The following RNF145 variants were observed in gnomAD, a reference collection of about 807,000 sequenced individuals.
RNF145 encodes the protein ring finger protein 145.
In RNF145, 12 loss-of-function variants were observed where a neutral mutation model predicts 57.3. That is an observed-to-expected ratio of 0.21 (90% CI 0.13 to 0.34). The LOEUF (loss-of-function observed/expected upper bound fraction) is 0.34. Ranked by LOEUF, RNF145 falls within the 10% of genes least tolerant of loss-of-function variation. The probability of loss-of-function intolerance (pLI) is 1.00; values close to 1 mark genes in which losing one functional copy is unlikely to be tolerated. For missense variants in RNF145, 429 were observed against 799.0 expected (o/e 0.54, Z 5.58); for synonymous variants, 262 against 288.3 (o/e 0.91, Z 0.92).
intron 4 of RNF145, among the ~76,000 whole-genome samples, 186 bp downstream of exon 4, chr5:159,181,774 A>G (rs1784901899): frequency 6.6e-6 from 1 of 151,912 alleles, no homozygotes; most frequent in African/African-American, 2.4e-5. Context: ...ATAAATACAT[A>G]ATCTATACAT....
At chr5:159,202,318 T>C (rs906937081) in intron 2 of RNF145, among the ~76,000 whole-genome samples, 1 of 152,256 alleles carries the variant, frequency 6.6e-6, no homozygotes, top group African/African-American at 2.4e-5. Flanking sequence ...CGGGAATTAC[T>C]TTCCATAAAT....
chr5:159,196,122 C>G (rs1327707269), intron 2 of RNF145, among the ~76,000 whole-genome samples: 1 of 152,054 alleles, frequency 6.6e-6, no homozygotes, highest in Non-Finnish European at 1.5e-5. Flanking sequence ...TTTTGTATAC[C>G]CTATACTTCA....
At chr5:159,199,651 T>A (rs1785593784) in intron 2 of RNF145, among the ~76,000 whole-genome samples, 1 of 152,160 alleles carries the variant, frequency 6.6e-6, no homozygotes, top group South Asian at 2.1e-4. Context: ...CCCCAATCCA[T>A]CATCCTATAA....
At chr5:159,163,132 C>T (rs1784285139) in intron 8 of RNF145, 53 bp from the exon 9 acceptor site, 1 of 1,492,342 alleles carries the variant, frequency 6.7e-7, no homozygotes, top group South Asian at 1.3e-5. Flanking sequence ...AGTAGCACAA[C>T]CACTCACATC....
chr5:159,174,868 G>C (rs1784666767), intron 5 of RNF145, among the ~76,000 whole-genome samples: 1 of 151,976 alleles, frequency 6.6e-6, no homozygotes, highest in Non-Finnish European at 1.5e-5. Flanking sequence ...AACTGATTAG[G>C]AAAAATCAAT....
intron 2 of RNF145, among the ~76,000 whole-genome samples, chr5:159,200,657 C>T (rs149969389): frequency 0.015 from 2,215 of 152,148 alleles, 33 homozygotes; most frequent in Non-Finnish European, 0.018. Flanking sequence ...AGCTTAAAAA[C>T]CTTCTAAATG....
intron 10 of RNF145, among the ~76,000 whole-genome samples, 155 bp from the exon 11 acceptor site, chr5:159,159,190 CCTG>C (rs1784135475): frequency 6.6e-6 from 1 of 152,114 alleles, no homozygotes; most frequent in African/African-American, 2.4e-5. Flanking sequence ...CAGTAATAAT[CCTG>C]CTGCCATCAC....
Position 159,158,795 on chromosome 5 carries a change from G to A in RNF145, c.1867C>T (p.Gln623Ter). ...GQEHTPGTRI[Q>*]EGSRDNNEYI... ...TCATTATTGTCCCTGGAACCTTCCT[G>A]TATCCTGGTCCCTGGAGTATGCTCC... is the stretch of plus-strand genomic sequence containing the variant. The change falls in exon 11 of 11, where the codon CAG becomes TAG. Residue 623 changes from glutamine (Q) to a stop codon, truncating the protein, a stop_gained. Coordinates refer to ENST00000424310, the MANE Select transcript of RNF145 (RefSeq NM_001199383.2). LOFTEE classifies it low-confidence loss of function (END_TRUNC). The A allele has an allele frequency of 1.2e-6, 2 of 1,613,966 alleles. No homozygotes were observed. Among genetic ancestry groups the A allele is most frequent in the Non-Finnish European group, 1.7e-6 (2 of 1,179,868 alleles).
upstream of RNF145, chr5:159,209,703 C>T (rs1786047785): frequency 1.9e-6 from 2 of 1,036,832 alleles, no homozygotes; most frequent in African/African-American, 3.2e-5. Context: ...AGACATAAGC[C>T]TAGCCAAGCC....
At chr5:159,196,441 C>A (rs534279090) in intron 2 of RNF145, among the ~76,000 whole-genome samples, 13 of 152,162 alleles carry the variant, frequency 8.5e-5, no homozygotes, top group Non-Finnish European at 1.6e-4. Context: ...ACCTGACATT[C>A]TTGGTCTTAC....
chr5:159,174,829 T>C (rs987646974), intron 5 of RNF145, among the ~76,000 whole-genome samples: 4 of 152,158 alleles, frequency 2.6e-5, no homozygotes, highest in Non-Finnish European at 5.9e-5. Context: ...TAAATTAGTT[T>C]TCCAGTTTAT....
At chr5:159,168,845 A>C (rs1008977716) in intron 8 of RNF145, 28 bp downstream of exon 8, 5 of 1,391,096 alleles carry the variant, frequency 3.6e-6, no homozygotes. Flanking sequence ...ACATGAGTTA[A>C]TTTAAAGAAT....
chr5:159,158,443 G>T lies in RNF145; in HGVS notation c.*227C>A, dbSNP rs184718118. 5.7e-4 allele frequency: 310 copies of T among 540,934 alleles called. 1 individual carries two copies. The highest frequency in any genetic ancestry group is 5.2e-3 in the African/African-American group (275 of 53,090). 33.5% of individuals were successfully genotyped at this position (540,934 alleles called of 1,614,324 possible). ...CACAAACCTCTATAAAACATCAGCA[G>T]AGAACATATAAATACATTTTGATTA... On this transcript the variant is annotated 3_prime_UTR_variant, in exon 11 of 11. Coordinates refer to ENST00000424310, the MANE Select transcript of RNF145 (RefSeq NM_001199383.2).
intron 1 of RNF145, chr5:159,208,211 T>G: frequency 7.7e-7 from 1 of 1,297,972 alleles, no homozygotes; most frequent in Non-Finnish European, 9.9e-7. Flanking sequence ...GCAGCAGCAG[T>G]AGCAGCAGCA....
intron 3 of RNF145, among the ~76,000 whole-genome samples, chr5:159,187,574 G>T (rs867802296): frequency 1.3e-5 from 2 of 152,008 alleles, no homozygotes; most frequent in Admixed American, 1.3e-4. Flanking sequence ...TGATTCACCC[G>T]CCTCAGCCTC....
At chr5:159,167,324 A>G (rs1784420674) in intron 8 of RNF145, among the ~76,000 whole-genome samples, 2 of 152,290 alleles carry the variant, frequency 1.3e-5, no homozygotes, top group South Asian at 4.1e-4. Context: ...GGAATAACAC[A>G]GACACCAATT....
chr5:159,179,961 T>C lies in RNF145; in HGVS notation c.385+1999A>G, dbSNP rs542892411. Among the ~76,000 whole-genome samples the C allele has an allele frequency of 5.9e-5, 9 of 152,228 alleles. No individual in the cohort carries two copies. In the South Asian group the frequency reaches 1.9e-3, roughly 32 times the overall value. On this transcript the variant is annotated intron_variant, in intron 4 of 10. Coordinates refer to ENST00000424310, the MANE Select transcript of RNF145 (RefSeq NM_001199383.2). ...GAGTTCAGGCATTCTAGGGAAAGCA[T>C]TAATTTTTACCTTTATGCTTTAAGA...
intron 10 of RNF145, among the ~76,000 whole-genome samples, chr5:159,159,892 C>A (rs1251757719): frequency 6.6e-6 from 1 of 152,118 alleles, no homozygotes; most frequent in Admixed American, 6.6e-5. Flanking sequence ...GTGTGGATAT[C>A]CCAGAAATTC....
chr5:159,168,397 C>G (rs1276738213), intron 8 of RNF145, among the ~76,000 whole-genome samples: 1 of 152,112 alleles, frequency 6.6e-6, no homozygotes, highest in Admixed American at 6.5e-5. Flanking sequence ...TCAAATGAGG[C>G]TGTTTTTCCA....
Sources: gnomAD v4.1 joint callset for allele counts (sites outside exome capture counted in the v4.1 genomes callset) on GRCh38, gnomAD v4.1.1 for gene constraint, MANE v1.5 for transcripts, NCBI Gene and HGNC (gene_info 2026-07-23, HGNC 2026-07-21) for gene names.